CDH18: variants seen among roughly 807,000 people sequenced by gnomAD.
CDH18 encodes the protein cadherin-18.
In CDH18, 31 loss-of-function variants were observed where a neutral mutation model predicts 67.9. The ratio of observed to expected loss-of-function variants is 0.46; its 90% CI spans 0.34 to 0.62. The LOEUF is 0.62. CDH18 is among the 20% of genes least tolerant of loss of function. The pLI is 0.01. For missense variants in CDH18, 890 were observed against 975.5 expected (o/e 0.91, Z 1.17); for synonymous variants, 362 against 347.2 (o/e 1.04, Z -0.48).
At chr5:19,892,769 T>C (rs1468890910) in intron 2 of CDH18, among the ~76,000 whole-genome samples, 2 of 152,136 alleles carry the variant, frequency 1.3e-5, no homozygotes, top group African/African-American at 4.8e-5. Context: ...GCTCATTTTC[T>C]AGGCCCAGTC....
intron 1 of CDH18, among the ~76,000 whole-genome samples, chr5:20,399,506 T>G (rs1248252280): frequency 2.0e-5 from 3 of 152,132 alleles, no homozygotes; most frequent in Non-Finnish European, 4.4e-5. Flanking sequence ...AACAAAGCAT[T>G]ATTATGTGAT....
intron 1 of CDH18, among the ~76,000 whole-genome samples, chr5:20,529,232 C>T (rs113856794): frequency 8.6e-5 from 13 of 151,324 alleles, no homozygotes; most frequent in African/African-American, 2.4e-4. Context: ...TAACAAGTTC[C>T]GAAATTCAGG....
intron 5 of CDH18, among the ~76,000 whole-genome samples, chr5:19,692,814 C>T (rs1285376971): frequency 6.6e-6 from 1 of 151,294 alleles, no homozygotes; most frequent in Non-Finnish European, 1.5e-5. Flanking sequence ...TTATGTACAA[C>T]AACATGGAAA....
chr5:20,485,934 G>A (rs1326956138), intron 1 of CDH18, among the ~76,000 whole-genome samples: 2 of 152,130 alleles, frequency 1.3e-5, no homozygotes, highest in African/African-American at 4.8e-5. Flanking sequence ...AGAGTATTAA[G>A]CAAAAGAAGT....
chr5:20,358,935 T>TC (rs1280033419), intron 1 of CDH18, among the ~76,000 whole-genome samples: 7 of 139,760 alleles, frequency 5.0e-5, no homozygotes, highest in Admixed American at 6.8e-5. Flanking sequence ...TTTCTTTCTT[T>TC]TTTTTTTTTT....
intron 1 of CDH18, among the ~76,000 whole-genome samples, chr5:20,374,394 A>G (rs1370792234): frequency 6.6e-6 from 1 of 152,240 alleles, no homozygotes; most frequent in African/African-American, 2.4e-5. Context: ...GCAAGTAATT[A>G]TTAATGTGGG....
intron 2 of CDH18, among the ~76,000 whole-genome samples, chr5:20,209,538 A>T (rs577935254): frequency 5.9e-5 from 9 of 152,164 alleles, no homozygotes; most frequent in Non-Finnish European, 1.3e-4. Flanking sequence ...GGAGCTTAAA[A>T]TGTTGATCTC....
chr5:19,689,867 A>G (rs1761617207), intron 5 of CDH18, among the ~76,000 whole-genome samples: 1 of 151,820 alleles, frequency 6.6e-6, no homozygotes, highest in African/African-American at 2.4e-5. Context: ...GCTGCCTACA[A>G]GAAATTCACT....
At chr5:19,754,152 T>C (rs917133999) in intron 3 of CDH18, among the ~76,000 whole-genome samples, 1 of 152,244 alleles carries the variant, frequency 6.6e-6, no homozygotes, top group Non-Finnish European at 1.5e-5. Context: ...GAATGGTACC[T>C]CACATCTCAA....
intron 5 of CDH18, among the ~76,000 whole-genome samples, chr5:19,632,248 C>A (rs961643181): frequency 2.6e-5 from 4 of 152,094 alleles, no homozygotes; most frequent in Admixed American, 1.3e-4. Flanking sequence ...ATTCCTGAAC[C>A]GTTCTCTGAT....
chr5:19,517,307 A>G (rs1176196206), intron 10 of CDH18, among the ~76,000 whole-genome samples: 1 of 151,918 alleles, frequency 6.6e-6, no homozygotes, highest in East Asian at 1.9e-4. Flanking sequence ...TATTTTGCCC[A>G]TTTTCAAATT....
At chr5:20,382,680 G>A (rs1352479313) in intron 1 of CDH18, among the ~76,000 whole-genome samples, 1 of 152,102 alleles carries the variant, frequency 6.6e-6, no homozygotes, top group African/African-American at 2.4e-5. Flanking sequence ...CCTAGTGACA[G>A]AAGCAATAAA....
intron 5 of CDH18, among the ~76,000 whole-genome samples, chr5:19,650,979 T>C (rs1000864874): frequency 2.0e-5 from 3 of 152,034 alleles, no homozygotes; most frequent in African/African-American, 7.2e-5. Context: ...ACTATCAATA[T>C]GCTTTATGCT....
At chr5:19,593,707 CCTT>C (rs1554054958) in intron 6 of CDH18, among the ~76,000 whole-genome samples, 9 of 33,382 alleles carry the variant, frequency 2.7e-4, no homozygotes, top group South Asian at 1.7e-3. Flanking sequence ...TCCTCCTCCT[CCTT>C]CTTCTTCTTC....
intron 2 of CDH18, among the ~76,000 whole-genome samples, chr5:19,902,585 C>T (rs1171290697): frequency 1.3e-5 from 2 of 151,420 alleles, no homozygotes. Flanking sequence ...ACAAGCAACT[C>T]CAGCCAACGG....
chr5:20,220,532 A>T (rs1373516484), intron 2 of CDH18, among the ~76,000 whole-genome samples: 8 of 151,998 alleles, frequency 5.3e-5, no homozygotes, highest in African/African-American at 1.9e-4. Flanking sequence ...ACTATAAGAA[A>T]ATATTGGGGA....
chr5:19,718,383 C>T (rs1223006295), intron 5 of CDH18, among the ~76,000 whole-genome samples: 3 of 152,004 alleles, frequency 2.0e-5, no homozygotes, highest in Non-Finnish European at 4.4e-5. Flanking sequence ...TAAGTGACTA[C>T]TATTTCCATG....
chr5:20,363,477 C>CAAAAAAAA lies in CDH18; in HGVS notation c.-579-107980_-579-107973dup, dbSNP rs1187140017. 4.9e-5 allele frequency among the ~76,000 whole-genome samples: 5 copies of CAAAAAAAA among 101,314 alleles called. 2 individuals carry two copies. The highest frequency in any genetic ancestry group is 9.2e-5 in the Non-Finnish European group (5 of 54,562). The allele number at this position is 101,314 out of a possible 152,430, so 66.5% of individuals were successfully genotyped here. ...GGCAACACAGAGCGAGACTCCGTATCAAAAAAAAAAAAAAAAAAAAGCCAG... is the reference window on the plus strand; with the variant it reads ...GGCAACACAGAGCGAGACTCCGTATCAAAAAAAAAAAAAAAAAAAAAAAAAAAAGCCAG... On this transcript the variant is annotated intron_variant, in intron 1 of 14. Coordinates refer to the CDH18 transcript ENST00000507958.
intron 2 of CDH18, among the ~76,000 whole-genome samples, chr5:20,233,353 A>T (rs2126511880): frequency 6.6e-6 from 1 of 151,740 alleles, no homozygotes; most frequent in African/African-American, 2.4e-5. Flanking sequence ...TAAATTTTTC[A>T]TTATTTTTTC....
Sources: allele counts gnomAD v4.1 joint callset (sites outside exome capture counted in the v4.1 genomes callset), GRCh38; gene constraint gnomAD v4.1.1; transcripts MANE v1.5; gene names NCBI Gene and HGNC (gene_info 2026-07-23, HGNC 2026-07-21).